The following ZNF892 variants were observed in gnomAD, a reference collection of about 807,000 sequenced individuals.
ZNF892 encodes zinc finger protein 570-like.
At chr2:95,251,562 A>G in the ZNF892 span, among the ~76,000 whole-genome samples, 9 of 152,218 alleles carry the variant, frequency 5.9e-5, no homozygotes, top group Admixed American at 2.0e-4. Flanking sequence ...ATGAGAGCCT[A>G]GGAAAGCAGA....
At chr2:95,219,455 T>C in the ZNF892 span, among the ~76,000 whole-genome samples, 9 of 152,222 alleles carry the variant, frequency 5.9e-5, no homozygotes, top group African/African-American at 2.2e-4. Flanking sequence ...TGAGAGCCTT[T>C]CTTTGCTTAT....
chr2:95,214,735 C>T, the ZNF892 span: 4 of 433,748 alleles, frequency 9.2e-6, no homozygotes, highest in Non-Finnish European at 1.7e-5. Flanking sequence ...AGTTACTACT[C>T]AGCTTTTGTC....
chr2:95,212,410 C>G, the ZNF892 span: 2 of 396,506 alleles, frequency 5.0e-6, no homozygotes, highest in Non-Finnish European at 8.9e-6. Flanking sequence ...TATGCCACAT[C>G]CTAGCTCTGT....
the ZNF892 span, among the ~76,000 whole-genome samples, chr2:95,243,040 C>T: frequency 5.3e-5 from 8 of 152,154 alleles, no homozygotes; most frequent in East Asian, 3.9e-4. Flanking sequence ...TTGGTGGAGA[C>T]GGGGTTTCGA....
the ZNF892 span, among the ~76,000 whole-genome samples, chr2:95,238,080 T>C: frequency 6.6e-6 from 1 of 152,356 alleles, no homozygotes; most frequent in African/African-American, 2.4e-5. Context: ...AGATCATTGA[T>C]GAAGGGGGCT....
the ZNF892 span, among the ~76,000 whole-genome samples, chr2:95,233,513 A>C: frequency 6.6e-6 from 1 of 151,222 alleles, no homozygotes; most frequent in African/African-American, 2.4e-5. Flanking sequence ...CTCTACTAAA[A>C]ATACAAAAAA....
At chr2:95,239,820 G>A in the ZNF892 span, among the ~76,000 whole-genome samples, 1 of 152,154 alleles carries the variant, frequency 6.6e-6, no homozygotes, top group African/African-American at 2.4e-5. Flanking sequence ...AGTAGAAACA[G>A]GGTTTCACTA....
At chr2:95,229,824 T>C in the ZNF892 span, among the ~76,000 whole-genome samples, 3 of 152,212 alleles carry the variant, frequency 2.0e-5, no homozygotes, top group Admixed American at 6.5e-5. Context: ...TCCTGAGTCA[T>C]AGAGCAGACA....
chr2:95,232,529 T>C, the ZNF892 span, among the ~76,000 whole-genome samples: 1 of 152,168 alleles, frequency 6.6e-6, no homozygotes, highest in Non-Finnish European at 1.5e-5. Flanking sequence ...TCCATTACAG[T>C]ATTTTGTTCT....
the ZNF892 span, among the ~76,000 whole-genome samples, chr2:95,228,196 TTCTG>T: frequency 1.3e-5 from 2 of 152,232 alleles, no homozygotes; most frequent in African/African-American, 4.8e-5. Flanking sequence ...CATCTGCGTT[TTCTG>T]TCTATTTCCT....
the ZNF892 span, among the ~76,000 whole-genome samples, chr2:95,252,485 T>C: frequency 4.6e-5 from 7 of 152,148 alleles, no homozygotes; most frequent in African/African-American, 1.4e-4. Context: ...CAGTCTATCA[T>C]TGTTGGACAT....
At chr2:95,216,982 A>T in the ZNF892 span, among the ~76,000 whole-genome samples, 1 of 152,166 alleles carries the variant, frequency 6.6e-6, no homozygotes, top group Non-Finnish European at 1.5e-5. Context: ...GATAGCATAG[A>T]CTGACTGAGT....
At chr2:95,244,460 C>T in the ZNF892 span, among the ~76,000 whole-genome samples, 26 of 152,052 alleles carry the variant, frequency 1.7e-4, no homozygotes, top group South Asian at 2.7e-3. Flanking sequence ...AAGGGCATTA[C>T]GTAATGGTAA....
chr2:95,260,426 C>T, the ZNF892 span, among the ~76,000 whole-genome samples: 1 of 152,214 alleles, frequency 6.6e-6, no homozygotes, highest in Non-Finnish European at 1.5e-5. Context: ...AGCTCTTCCT[C>T]CTGGGCTCCA....
At chr2:95,245,467 C>T in the ZNF892 span, among the ~76,000 whole-genome samples, 1 of 125,306 alleles carries the variant, frequency 8.0e-6, no homozygotes, top group Admixed American at 8.4e-5. Context: ...GGGGGGGTTT[C>T]ACCATGTTAG....
At chr2:95,243,378 C>T in the ZNF892 span, among the ~76,000 whole-genome samples, 34 of 151,082 alleles carry the variant, frequency 2.3e-4, no homozygotes, top group Non-Finnish European at 4.0e-4. Context: ...CGTTTCTGCC[C>T]GGCCGCCATC....
At chr2:95,220,710 C>T in the ZNF892 span, among the ~76,000 whole-genome samples, 1 of 151,868 alleles carries the variant, frequency 6.6e-6, no homozygotes, top group Non-Finnish European at 1.5e-5. Context: ...GTCATTTGTC[C>T]TGAAGATAAG....
the ZNF892 span, among the ~76,000 whole-genome samples, chr2:95,228,193 G>A: frequency 4.6e-5 from 7 of 152,144 alleles, no homozygotes; most frequent in Non-Finnish European, 7.4e-5. Flanking sequence ...TACCATCTGC[G>A]TTTTCTGTCT....
At chr2:95,256,317 T>C in the ZNF892 span, among the ~76,000 whole-genome samples, 1 of 152,206 alleles carries the variant, frequency 6.6e-6, no homozygotes, top group African/African-American at 2.4e-5. Context: ...ATTTTATTTC[T>C]CCTTCACTTA....
Sources: gnomAD v4.1 joint callset for allele counts (sites outside exome capture counted in the v4.1 genomes callset) on GRCh38, gnomAD v4.1.1 for gene constraint, MANE v1.5 for transcripts, NCBI Gene and HGNC (gene_info 2026-07-23, HGNC 2026-07-21) for gene names.